TONSL: variants seen among roughly 807,000 people sequenced by gnomAD.
TONSL encodes tonsoku like, DNA repair protein, also known as tonsoku-like protein.
A neutral mutation model predicts 147.1 loss-of-function variants in TONSL; 112 were observed. The ratio of observed to expected loss-of-function variants is 0.76; its 90% CI spans 0.65 to 0.89. The LOEUF is 0.89. TONSL is among the 40% of genes least tolerant of loss of function. The probability of loss-of-function intolerance (pLI) is 0.00; values close to 1 mark genes in which losing one functional copy is unlikely to be tolerated. For synonymous variants in TONSL, 868 were observed against 801.5 expected (o/e 1.08, Z -1.40); for missense variants, 1,883 against 1,864.6 (o/e 1.01, Z -0.18).
At chr8:144,430,838 G>A (rs1554878500) in intron 24 of TONSL, among the ~76,000 whole-genome samples, 1 of 152,228 alleles carries the variant, frequency 6.6e-6, no homozygotes, top group African/African-American at 2.4e-5. Flanking sequence ...CGAGGCACAG[G>A]AATGACAAGG....
In TONSL at chr8:144,435,482, G is replaced by A. The variant is rs1027978591; in HGVS notation, c.2844C>T (p.Val948=). 73 of 1,547,996 alleles carry A rather than the reference G, an allele frequency of 4.7e-5. 1 individual carries two copies. In the Middle Eastern group the frequency reaches 5.0e-4, roughly 11 times the overall value. The change falls in exon 18 of 26, where the codon GTC becomes GTT. Residue 948 remains valine, a synonymous_variant. Coordinates refer to ENST00000409379, the MANE Select transcript of TONSL (RefSeq NM_013432.5). ...GGCAGGCGATGCCTCACCTGTGTGG[G>A]ACAGGGATGAGGAAGAGATGATCCT... The part of the protein sequence containing the change: ...QVQDHLFLIP[V]PHSSDTHSVA...
Position 144,431,061 on chromosome 8 carries a change from C to G in TONSL, c.3809+17G>C. On this transcript the variant is annotated intron_variant, in intron 24 of 25. Transcript: ENST00000409379. ...ATCAGACCCCCAGGTCAGCAGGCAGCAGGGAAAGGGCGTTACCTGCACAGG... is the reference window on the plus strand; with the variant it reads ...ATCAGACCCCCAGGTCAGCAGGCAGGAGGGAAAGGGCGTTACCTGCACAGG... 1 of 1,613,904 alleles carries G rather than the reference C, an allele frequency of 6.2e-7. No homozygotes were observed. The highest frequency in any genetic ancestry group is 8.5e-7 in the Non-Finnish European group (1 of 1,179,826).
rs775498388 is a variant in TONSL, at chr8:144,440,067, C to G, written c.1434G>C (p.Ala478=). 2 of 1,578,354 alleles carry G rather than the reference C, an allele frequency of 1.3e-6. No homozygotes were observed. Among genetic ancestry groups the G allele is most frequent in the South Asian group, 1.1e-5 (1 of 90,304 alleles). ...EEEAEEAAAT[A]ESEALEAGEV... ...CGCCGGCCTCCAGGGCTTCGCTCTC[C>G]GCTGTGGCTGCCGCCTCCTCCGCCT... Residue 478 remains alanine (A), a synonymous_variant, in exon 11 of 26, where the codon GCG becomes GCC. Coordinates refer to ENST00000409379, the MANE Select transcript of TONSL (RefSeq NM_013432.5).
intron 25 of TONSL, 138 bp downstream of exon 25, chr8:144,430,266 G>T (rs112699577): frequency 4.6e-6 from 5 of 1,079,282 alleles, no homozygotes; most frequent in African/African-American, 1.6e-5. Context: ...TCTGCCCCCT[G>T]CTGCCCCAGC....
Position 144,430,483 on chromosome 8 carries a change from C to G in TONSL, c.3864G>C (p.Glu1288Asp). Residue 1288 changes from glutamate to aspartate, a missense_variant, in exon 25 of 26, where the codon GAG becomes GAC. Glu to Asp is a conservative substitution (Grantham distance 45). Transcript: ENST00000409379. ...GCTCTTCCAAGCTGGCACAGCTGATCTCAGGGTTGGCAGACAGATCCAGTG... is the reference window on the plus strand; with the variant it reads ...GCTCTTCCAAGCTGGCACAGCTGATGTCAGGGTTGGCAGACAGATCCAGTG... ...LISLDLSANP[E>D]ISCASLEELL... 6.2e-7 allele frequency: 1 copy of G among 1,613,602 alleles called. No homozygotes were observed. The highest frequency in any genetic ancestry group is 8.5e-7 in the Non-Finnish European group (1 of 1,179,750).
Position 144,430,484 on chromosome 8 carries a change from T to C in TONSL, c.3863A>G (p.Glu1288Gly), listed in dbSNP as rs1823140408. 1 of 1,613,414 alleles carries C rather than the reference T, an allele frequency of 6.2e-7. No homozygotes were observed. The highest frequency in any genetic ancestry group is 1.3e-5 in the African/African-American group (1 of 74,916). ...LISLDLSANP[E>G]ISCASLEELL... ...CTCTTCCAAGCTGGCACAGCTGATC[T>C]CAGGGTTGGCAGACAGATCCAGTGA... Residue 1288 changes from glutamate (E) to glycine (G), a missense_variant, in exon 25 of 26, where the codon GAG becomes GGG. Physicochemically the swap from Glu to Gly is moderately conservative, Grantham distance 98 (BLOSUM62 -2). Coordinates refer to ENST00000409379, the MANE Select transcript of TONSL (RefSeq NM_013432.5).
chr8:144,435,447 T>C, intron 18 of TONSL, 27 bp downstream of exon 18: 1 of 1,516,426 alleles, frequency 6.6e-7, no homozygotes, highest in Non-Finnish European at 8.9e-7. Flanking sequence ...ACAGGTGGGC[T>C]GCGGGGTAGG....
rs1274542675 is a variant in TONSL, at chr8:144,442,311, C to G, written c.680G>C (p.Gly227Ala). Residue 227 changes from glycine to alanine, a missense_variant, in exon 6 of 26, where the codon GGT (glycine) becomes GCT (alanine). By Grantham distance (60) the Gly-to-Ala change is moderately conservative (BLOSUM62 0). Transcript: ENST00000409379. ...CATGGTGTGCGCACACTCCCGGGCACCCTCCAAGCAGCGCATAGCCTGGGA... is the reference window on the plus strand; with the variant it reads ...CATGGTGTGCGCACACTCCCGGGCAGCCTCCAAGCAGCGCATAGCCTGGGA... ...QHSQAMRCLEGARECAHTMRK... is the reference protein window; with the variant it reads ...QHSQAMRCLEAARECAHTMRK... 5.0e-6 allele frequency: 8 copies of G among 1,598,236 alleles called. No homozygotes were observed. The African/African-American group carries it at 9.4e-5, about 19-fold the overall frequency.
In TONSL at chr8:144,442,231, C is replaced by T. The variant is rs555048533; in HGVS notation, c.750+10G>A. 10 of 1,586,954 alleles carry T rather than the reference C, an allele frequency of 6.3e-6. No homozygotes were observed. In the South Asian group the frequency reaches 9.0e-5, roughly 14 times the overall value. On this transcript the variant is annotated intron_variant, in intron 6 of 25. Transcript: ENST00000409379. Reference sequence around the variant, plus strand: ...GAGAGCCTGAGCTCGGAGCCACGCACAGCGGGTACCTGTGCAATAACCACG... The same window carrying T: ...GAGAGCCTGAGCTCGGAGCCACGCATAGCGGGTACCTGTGCAATAACCACG...
intron 25 of TONSL, 106 bp downstream of exon 25, chr8:144,430,298 G>A: frequency 7.5e-7 from 1 of 1,334,060 alleles, no homozygotes; most frequent in Non-Finnish European, 9.9e-7. Context: ...CAGCCTTGCT[G>A]CCTGGCTGGT....
Position 144,432,549 on chromosome 8 carries a change from T to TG in TONSL, c.3560-90dup. On this transcript the variant is annotated intron_variant, in intron 22 of 25. Transcript: ENST00000409379. ...GGGCCCAGAACCCTCAGGACCCCTT[T>TG]GGGGAAACCACTACCGCAGTGCTCG... 3.7e-6 allele frequency: 5 copies of TG among 1,337,528 alleles called. No individual in the cohort carries two copies. The South Asian group carries it at 8.2e-5, about 22-fold the overall frequency. The allele number at this position is 1,337,528 out of a possible 1,614,324, so 82.9% of individuals were successfully genotyped here. A position where few individuals can be genotyped will look rare whatever the true frequency, so the allele number is the denominator to read the frequency against.
At chr8:144,433,472 T>C (rs1554879169) in intron 22 of TONSL, 116 bp downstream of exon 22, 3 of 1,012,594 alleles carry the variant, frequency 3.0e-6, no homozygotes, top group Non-Finnish European at 4.4e-6. Context: ...GCCTCTCAAG[T>C]AGCTGGGACC....
chr8:144,429,026 T>G lies in TONSL; in HGVS notation c.*117A>C. Reference sequence around the variant, plus strand: ...GGATGGTCTCGATCTCCTGACCTCGTGATCCGCCCGCCTGGGCCTCCCAAA... The same window carrying G: ...GGATGGTCTCGATCTCCTGACCTCGGGATCCGCCCGCCTGGGCCTCCCAAA... On this transcript the variant is annotated 3_prime_UTR_variant, in exon 26 of 26. Transcript: ENST00000409379. The G allele has an allele frequency of 8.2e-7, 1 of 1,214,720 alleles. No individual in the cohort carries two copies. The highest frequency in any genetic ancestry group is 1.1e-6 in the Non-Finnish European group (1 of 911,852). 75.2% of individuals were successfully genotyped at this position (1,214,720 alleles called of 1,614,324 possible).
In TONSL at chr8:144,440,787, C is replaced by T. The variant is rs201856507; in HGVS notation, c.1095G>A (p.Met365Ile). Residue 365 changes from methionine (M) to isoleucine (I), a missense_variant, in exon 9 of 26, where the codon ATG becomes ATA. Met to Ile is a conservative substitution (Grantham distance 10, BLOSUM62 1). Coordinates refer to ENST00000409379, the MANE Select transcript of TONSL (RefSeq NM_013432.5). ...HVSLATTLGD[M>I]KDHHGAVRHY... Reference sequence around the variant, plus strand: ...GGCGCACGGCCCCATGGTGGTCCTTCATGTCTCCCAGTGTGGTGGCCAGGG... The same window carrying T: ...GGCGCACGGCCCCATGGTGGTCCTTTATGTCTCCCAGTGTGGTGGCCAGGG... 1.2e-5 allele frequency: 20 copies of T among 1,612,972 alleles called. No homozygotes were observed. The African/African-American group carries it at 1.6e-4, about 13-fold the overall frequency.
chr8:144,434,359 C>T, intron 20 of TONSL, 80 bp from the exon 21 acceptor site: 1 of 1,256,486 alleles, frequency 8.0e-7, no homozygotes, highest in Middle Eastern at 2.9e-4. Context: ...CCAGGCAGCC[C>T]CTTTTCAACA....
chr8:144,434,031 G>C lies in TONSL; in HGVS notation c.3334C>G (p.Pro1112Ala). 6.2e-7 allele frequency: 1 copy of C among 1,609,002 alleles called. No homozygotes were observed. Among genetic ancestry groups the C allele is most frequent in the South Asian group, 1.1e-5 (1 of 90,782 alleles). The change falls in exon 21 of 26, where the codon CCC becomes GCC. Residue 1112 changes from proline to alanine, a missense_variant. Physicochemically the swap from Pro to Ala is conservative, Grantham distance 27 (BLOSUM62 -1). Coordinates refer to ENST00000409379, the MANE Select transcript of TONSL (RefSeq NM_013432.5). ...ATGGCAAGCTGGCGCAGGCCTTCGG[G>C]ACCCAGGTGATTGGAGGAGAGGTCA... Reference protein sequence around the residue: ...LLDLSSNHLGPEGLRQLAMGL... With the variant: ...LLDLSSNHLGAEGLRQLAMGL...
chr8:144,432,131 G>A (rs1219848309), intron 23 of TONSL, among the ~76,000 whole-genome samples, 154 bp downstream of exon 23: 4 of 152,096 alleles, frequency 2.6e-5, no homozygotes, highest in African/African-American at 9.7e-5. Flanking sequence ...TGGCCCCCCA[G>A]CTGTTTTTTC....
At position 144,436,211 on chromosome 8, in the gene TONSL, C is replaced by T; in HGVS notation, c.2222G>A (p.Ser741Asn). ...GCTGTCCTCGCCTTCTGAGCTGCTG[C>T]TGCTGCTGGCTGGCCCATGCCTGCT... Reference protein sequence around the residue: ...RRSRHGPASSSSSSEGEDSAG... With the variant: ...RRSRHGPASSNSSSEGEDSAG... Residue 741 changes from serine (S) to asparagine (N), a missense_variant, in exon 17 of 26, where the codon AGC (serine) becomes AAC (asparagine). By Grantham distance (46) the Ser-to-Asn change is conservative. Transcript: ENST00000409379. 1 of 1,565,390 alleles carries T rather than the reference C, an allele frequency of 6.4e-7. No homozygotes were observed. The highest frequency in any genetic ancestry group is 8.6e-7 in the Non-Finnish European group (1 of 1,158,764).
In TONSL at chr8:144,440,378, G is replaced by A. The variant is rs2229313; in HGVS notation, c.1263C>T (p.Ala421=). 897,341 of 1,603,264 alleles carry A rather than the reference G, an allele frequency of 0.56. 256,329 individuals are homozygous for A. Among genetic ancestry groups the A allele is most frequent in the Middle Eastern group, 0.66 (3,962 of 5,976 alleles). The change falls in exon 10 of 26, where the codon GCC becomes GCT. Residue 421 remains alanine, a synonymous_variant. Coordinates refer to ENST00000409379, the MANE Select transcript of TONSL (RefSeq NM_013432.5). ...APCFQKALSC[A]QQAQRPQLQR... The stretch of plus-strand genomic sequence containing the variant: ...GCAGCTGGGGACGCTGGGCCTGCTG[G>A]GCACAGCTGAGCGCTTTCTGGAAGC...
Sources: allele counts gnomAD v4.1 joint callset (sites outside exome capture counted in the v4.1 genomes callset), GRCh38; gene constraint gnomAD v4.1.1; transcripts MANE v1.5; gene names NCBI Gene and HGNC (gene_info 2026-07-23, HGNC 2026-07-21).